BCAT1: variants seen among roughly 807,000 people sequenced by gnomAD.
BCAT1 encodes the protein branched-chain-amino-acid aminotransferase, cytosolic.
Under a neutral mutation model 52.4 loss-of-function variants are expected in BCAT1, and 48 were observed. The observed-to-expected ratio is 0.92, with a 90% CI of 0.73 to 1.16. The LOEUF (loss-of-function observed/expected upper bound fraction) is 1.16, where lower values mean the gene tolerates loss of function less well. BCAT1 is among the 50% of genes most tolerant of loss of function. The pLI is 0.00. For synonymous variants in BCAT1, 167 were observed against 161.3 expected (o/e 1.04, Z -0.27); for missense variants, 451 against 457.1 (o/e 0.99, Z 0.12).
chr12:24,850,398 T>A (rs1941472189), intron 5 of BCAT1, among the ~76,000 whole-genome samples: 1 of 152,212 alleles, frequency 6.6e-6, no homozygotes, highest in South Asian at 2.1e-4. Context: ...CTTCAGGACA[T>A]GGCAGGGTCT....
chr12:24,916,404 C>T (rs1017769994), intron 1 of BCAT1, among the ~76,000 whole-genome samples: 2 of 152,156 alleles, frequency 1.3e-5, no homozygotes, highest in African/African-American at 4.8e-5. Context: ...TAAAGTCAAC[C>T]TCAATCCCTC....
At chr12:24,880,147 A>C (rs1234129481) in intron 4 of BCAT1, among the ~76,000 whole-genome samples, 1 of 152,200 alleles carries the variant, frequency 6.6e-6, no homozygotes, top group East Asian at 1.9e-4. Flanking sequence ...CTGAATGCAT[A>C]GGTTGGGCTA....
At position 24,813,308 on chromosome 12, in the gene BCAT1, G is replaced by A. The variant is rs1939751339; in HGVS notation, c.*4700C>T. 6.6e-6 allele frequency: 1 copy of A among 151,942 alleles called. No homozygotes were observed. Among genetic ancestry groups the A allele is most frequent in the Non-Finnish European group, 1.5e-5 (1 of 67,892 alleles). The allele number at this position is 151,942 out of a possible 1,614,324, so 9.4% of individuals were successfully genotyped here. A position where few individuals can be genotyped will look rare whatever the true frequency, so the allele number is the denominator to read the frequency against. On this transcript the variant is annotated 3_prime_UTR_variant, in exon 11 of 11. Transcript: ENST00000261192. ...TTTGAATCTTTAAAAGGGGTTTGTGGTAATGATAAAAAATTTATCTCTTTC... is the reference window on the plus strand; with the variant it reads ...TTTGAATCTTTAAAAGGGGTTTGTGATAATGATAAAAAATTTATCTCTTTC...
intron 5 of BCAT1, among the ~76,000 whole-genome samples, chr12:24,865,088 T>A (rs893812784): frequency 6.6e-6 from 1 of 152,226 alleles, no homozygotes; most frequent in Non-Finnish European, 1.5e-5. Flanking sequence ...TTCATCTCTA[T>A]CTACAGTTCT....
At chr12:24,898,695 T>A (rs1488185945) in intron 2 of BCAT1, among the ~76,000 whole-genome samples, 1 of 151,846 alleles carries the variant, frequency 6.6e-6, no homozygotes, top group Non-Finnish European at 1.5e-5. Context: ...TTTGTATTTT[T>A]AATACAAACA....
At chr12:24,853,292 T>C (rs1446986882) in intron 5 of BCAT1, among the ~76,000 whole-genome samples, 7 of 152,220 alleles carry the variant, frequency 4.6e-5, no homozygotes, top group Admixed American at 4.6e-4. Flanking sequence ...CTCATGTCAT[T>C]TGTAGCAACA....
chr12:24,917,407 C>T lies in BCAT1; in HGVS notation c.7-15522G>A, dbSNP rs562255232. ...CCGTGTTAGCCAGGATGGTCTCGAT[C>T]TCCTGACCTCGTGATCCGCCTGCCT... On this transcript the variant is annotated intron_variant, in intron 1 of 10. Coordinates refer to ENST00000261192, the MANE Select transcript of BCAT1 (RefSeq NM_005504.7). Among the ~76,000 whole-genome samples, 4 of 152,278 alleles carry T rather than the reference C, an allele frequency of 2.6e-5. No individual in the cohort carries two copies. In the South Asian group the frequency reaches 6.2e-4, roughly 24 times the overall value.
At chr12:24,917,420 G>A (rs1010209817) in intron 1 of BCAT1, among the ~76,000 whole-genome samples, 1 of 152,148 alleles carries the variant, frequency 6.6e-6, no homozygotes, top group African/African-American at 2.4e-5. Context: ...CTGACCTCGT[G>A]ATCCGCCTGC....
Position 24,921,266 on chromosome 12 carries a change from T to A in BCAT1, c.7-19381A>T, listed in dbSNP as rs373830700. ...CAGCACTTTGGAGATTCCAAGGATT[T>A]TTAGTACTTGTATGCCAGGAAACAG... On this transcript the variant is annotated intron_variant, in intron 1 of 10. Coordinates refer to ENST00000261192, the MANE Select transcript of BCAT1 (RefSeq NM_005504.7). Among the ~76,000 whole-genome samples the A allele has an allele frequency of 3.6e-4, 55 of 152,324 alleles. 1 individual carries two copies. In the South Asian group the frequency reaches 0.011, roughly 30 times the overall value.
chr12:24,855,126 A>T (rs1329219675), intron 5 of BCAT1, among the ~76,000 whole-genome samples: 2 of 152,198 alleles, frequency 1.3e-5, no homozygotes, highest in African/African-American at 4.8e-5. Flanking sequence ...CAAGGAGGTC[A>T]GAGTCAGAAG....
At chr12:24,832,407 A>AC (rs1940705713) in intron 9 of BCAT1, among the ~76,000 whole-genome samples, 1 of 152,208 alleles carries the variant, frequency 6.6e-6, no homozygotes, top group Non-Finnish European at 1.5e-5. Flanking sequence ...AACAAAAACA[A>AC]CAACAAAAAA....
intron 6 of BCAT1, among the ~76,000 whole-genome samples, chr12:24,842,509 G>T (rs78990812): frequency 0.026 from 3,897 of 150,354 alleles, 144 homozygotes; most frequent in African/African-American, 0.093. Context: ...CCAAGTTAAT[G>T]AGAACAGTTA....
At chr12:24,878,695 G>A in intron 4 of BCAT1, 46 bp from the exon 5 acceptor site, 1 of 1,536,496 alleles carries the variant, frequency 6.5e-7, no homozygotes, top group Non-Finnish European at 8.8e-7. Flanking sequence ...TTCTCACAAT[G>A]TGGCAATAAT....
At chr12:24,879,884 T>A (rs1448057806) in intron 4 of BCAT1, among the ~76,000 whole-genome samples, 1 of 152,224 alleles carries the variant, frequency 6.6e-6, no homozygotes, top group Non-Finnish European at 1.5e-5. Flanking sequence ...TGAAACTACA[T>A]AACACAGTTT....
intron 3 of BCAT1, among the ~76,000 whole-genome samples, chr12:24,890,262 C>T (rs898894155): frequency 6.6e-6 from 1 of 152,010 alleles, no homozygotes; most frequent in Non-Finnish European, 1.5e-5. Context: ...GGGAATGAGC[C>T]CTTAACCCAT....
At chr12:24,855,150 T>A (rs1168602179) in intron 5 of BCAT1, among the ~76,000 whole-genome samples, 1 of 152,090 alleles carries the variant, frequency 6.6e-6, no homozygotes, top group African/African-American at 2.4e-5. Flanking sequence ...TTTGGTTTCC[T>A]ATAGAAACTA....
intron 5 of BCAT1, among the ~76,000 whole-genome samples, chr12:24,855,454 C>T (rs1186614126): frequency 2.0e-5 from 3 of 152,154 alleles, no homozygotes; most frequent in African/African-American, 7.2e-5. Flanking sequence ...AATCTTGGCT[C>T]ACTGCAACCT....
At chr12:24,827,655 G>A (rs1360287160) in intron 10 of BCAT1, among the ~76,000 whole-genome samples, 2 of 152,166 alleles carry the variant, frequency 1.3e-5, no homozygotes, top group Non-Finnish European at 2.9e-5. Context: ...AGCCAGGCAT[G>A]ATGGTGCATG....
chr12:24,931,788 G>C (rs915112740), intron 1 of BCAT1, among the ~76,000 whole-genome samples: 2 of 152,146 alleles, frequency 1.3e-5, no homozygotes, highest in Non-Finnish European at 2.9e-5. Context: ...TAGAGCATAC[G>C]TGCAACACAA....
Sources: allele counts gnomAD v4.1 joint callset (sites outside exome capture counted in the v4.1 genomes callset), GRCh38; gene constraint gnomAD v4.1.1; transcripts MANE v1.5; gene names NCBI Gene and HGNC (gene_info 2026-07-23, HGNC 2026-07-21).